The following SH2D4B variants were observed in gnomAD, a reference collection of about 807,000 sequenced individuals.
The protein encoded by SH2D4B is SH2 domain-containing protein 4B.
In SH2D4B, 45 loss-of-function variants were observed where a neutral mutation model predicts 61.5. The ratio of observed to expected loss-of-function variants is 0.73; its 90% confidence interval spans 0.58 to 0.94. The LOEUF (loss-of-function observed/expected upper bound fraction) is 0.94. Ranked by LOEUF, SH2D4B falls within the 40% of genes least tolerant of loss-of-function variation. SH2D4B has a pLI of 0.00. For missense variants in SH2D4B, 572 were observed against 574.2 expected (o/e 1.00, Z 0.04); for synonymous variants, 224 against 220.4 (o/e 1.02, Z -0.14).
rs1405786429 is a variant in SH2D4B, at chr10:80,588,794, C to A, written c.643+17C>A. 2 of 1,613,400 alleles carry A rather than the reference C, an allele frequency of 1.2e-6. No individual in the cohort carries two copies. Among genetic ancestry groups the A allele is most frequent in the East Asian group, 2.2e-5 (1 of 44,874 alleles). On this transcript the variant is annotated intron_variant, in intron 4 of 7. Coordinates refer to ENST00000646907, the MANE Select transcript of SH2D4B (RefSeq NM_001388272.1). ...AAGAACAGTGTGAGTAGAGCTTGTG[C>A]CTCAGGCAGGGAGACCAGTCCCGCC...
chr10:80,620,797 A>T (rs1410044868), intron 6 of SH2D4B, among the ~76,000 whole-genome samples: 1 of 152,236 alleles, frequency 6.6e-6, no homozygotes, highest in Non-Finnish European at 1.5e-5. Flanking sequence ...AGCTCTCAGC[A>T]CAGTGGTTAA....
intron 4 of SH2D4B, among the ~76,000 whole-genome samples, chr10:80,599,038 C>T (rs1046794873): frequency 3.3e-5 from 5 of 152,184 alleles, no homozygotes; most frequent in African/African-American, 1.2e-4. Flanking sequence ...GGTTGTCTCA[C>T]TTCTTGCCAG....
intron 1 of SH2D4B, among the ~76,000 whole-genome samples, chr10:80,558,930 T>G (rs2132110972): frequency 6.6e-6 from 1 of 152,342 alleles, no homozygotes; most frequent in South Asian, 2.1e-4. Context: ...GTCATGAAGG[T>G]CTAACCGGAG....
At chr10:80,585,332 T>C (rs1306063071) in intron 3 of SH2D4B, among the ~76,000 whole-genome samples, 3 of 151,506 alleles carry the variant, frequency 2.0e-5, no homozygotes, top group Non-Finnish European at 2.9e-5. Flanking sequence ...TTTTCTTTTT[T>C]TTTTTTTTGA....
intron 7 of SH2D4B, among the ~76,000 whole-genome samples, chr10:80,642,600 T>C (rs1840325692): frequency 6.6e-6 from 1 of 152,238 alleles, no homozygotes; most frequent in Non-Finnish European, 1.5e-5. Flanking sequence ...TTAATCCGTA[T>C]ACCAAACCTT....
At chr10:80,599,559 C>T (rs1430420451) in intron 4 of SH2D4B, among the ~76,000 whole-genome samples, 2 of 152,100 alleles carry the variant, frequency 1.3e-5, no homozygotes, top group African/African-American at 4.8e-5. Context: ...GTGCTCTGGT[C>T]TTAAGGAACT....
chr10:80,634,254 T>A (rs1401638357), intron 6 of SH2D4B, 31 bp from the exon 7 acceptor site: 10 of 1,480,036 alleles, frequency 6.8e-6, no homozygotes, highest in Non-Finnish European at 9.0e-6. Context: ...GAACCTGCTG[T>A]GTTTTTTTGT....
chr10:80,635,099 T>C (rs1218117060), intron 7 of SH2D4B, among the ~76,000 whole-genome samples: 1 of 152,242 alleles, frequency 6.6e-6, no homozygotes, highest in African/African-American at 2.4e-5. Flanking sequence ...CCTGTGAGCA[T>C]TAAATGAAGT....
At position 80,622,635 on chromosome 10, in the gene SH2D4B, A is replaced by G. The variant is rs188792628; in HGVS notation, c.989-11650A>G. 2.7e-3 allele frequency among the ~76,000 whole-genome samples: 415 copies of G among 152,258 alleles called. 1 individual carries two copies. The highest frequency in any genetic ancestry group is 3.8e-3 in the Non-Finnish European group (260 of 68,018). ...GTGGCAGGTGGCCCTGGAGGGTCTC[A>G]TGGTGGGCTCCTTGCACTCACCCAG... On this transcript the variant is annotated intron_variant, in intron 6 of 7. Transcript: ENST00000646907.
At chr10:80,627,095 C>T (rs918214542) in intron 6 of SH2D4B, among the ~76,000 whole-genome samples, 6 of 152,068 alleles carry the variant, frequency 3.9e-5, no homozygotes, top group Non-Finnish European at 5.9e-5. Flanking sequence ...CTGAGTGTGT[C>T]GTTTAACCTC....
chr10:80,599,820 A>G (rs909911981), intron 4 of SH2D4B, among the ~76,000 whole-genome samples: 1 of 151,844 alleles, frequency 6.6e-6, no homozygotes, highest in African/African-American at 2.4e-5. Context: ...CCTGTGTGAT[A>G]CCCTTCAGCA....
At chr10:80,603,379 G>A (rs1168241182) in intron 4 of SH2D4B, among the ~76,000 whole-genome samples, 200 bp from the exon 5 acceptor site, 1 of 152,326 alleles carries the variant, frequency 6.6e-6, no homozygotes, top group East Asian at 1.9e-4. Flanking sequence ...GGCCTGCTCT[G>A]TCATTCTGGG....
chr10:80,575,234 G>C (rs1448846274), intron 3 of SH2D4B, among the ~76,000 whole-genome samples: 2 of 151,370 alleles, frequency 1.3e-5, no homozygotes, highest in South Asian at 4.2e-4. Context: ...AATTTAAATG[G>C]AGAATATTTA....
At chr10:80,614,633 C>T (rs1196925249) in intron 6 of SH2D4B, among the ~76,000 whole-genome samples, 1 of 152,210 alleles carries the variant, frequency 6.6e-6, no homozygotes, top group Non-Finnish European at 1.5e-5. Context: ...GCTAGCGAAC[C>T]CCCCAGAATG....
intron 1 of SH2D4B, among the ~76,000 whole-genome samples, chr10:80,555,343 CCTA>C (rs1841817597): frequency 6.6e-6 from 1 of 150,704 alleles, no homozygotes; most frequent in African/African-American, 2.4e-5. Context: ...TCTCTCCCCG[CCTA>C]CTGTTCACAT....
At chr10:80,552,294 C>T (rs1841771677) in intron 1 of SH2D4B, among the ~76,000 whole-genome samples, 1 of 152,160 alleles carries the variant, frequency 6.6e-6, no homozygotes, top group South Asian at 2.1e-4. Flanking sequence ...TTCCCTTCTC[C>T]CAGCTGCTGC....
intron 1 of SH2D4B, chr10:80,540,791 C>A: frequency 6.5e-7 from 1 of 1,543,752 alleles, no homozygotes; most frequent in Non-Finnish European, 8.7e-7. Flanking sequence ...ACACAGCCAA[C>A]TCGAGTGCCA....
chr10:80,597,856 G>C (rs909058688), intron 4 of SH2D4B, among the ~76,000 whole-genome samples: 1 of 152,144 alleles, frequency 6.6e-6, no homozygotes, highest in Non-Finnish European at 1.5e-5. Flanking sequence ...AGATCATTGT[G>C]TGCATAGGTC....
intron 7 of SH2D4B, among the ~76,000 whole-genome samples, chr10:80,636,243 T>C (rs1840165996): frequency 6.6e-6 from 1 of 152,218 alleles, no homozygotes; most frequent in Non-Finnish European, 1.5e-5. Context: ...TTGTGAATAG[T>C]GCTGCAATAA....
Sources: allele counts gnomAD v4.1 joint callset (sites outside exome capture counted in the v4.1 genomes callset), GRCh38; gene constraint gnomAD v4.1.1; transcripts MANE v1.5; gene names NCBI Gene and HGNC (gene_info 2026-07-23, HGNC 2026-07-21).